Variants in TNS1 observed in about 807,000 individuals in gnomAD.
TNS1 encodes the protein tensin 1.
A neutral mutation model predicts 168.6 loss-of-function variants in TNS1; 62 were observed. The ratio of observed to expected loss-of-function variants is 0.37; its 90% CI spans 0.30 to 0.45. TNS1 has a LOEUF of 0.45. Ranked by LOEUF, TNS1 falls within the 20% of genes least tolerant of loss-of-function variation. TNS1 has a pLI of 1.00. For missense variants in TNS1, 2,240 were observed against 2,339.4 expected (o/e 0.96, Z 0.88); for synonymous variants, 934 against 933.2 (o/e 1.00, Z -0.02).
At chr2:217,825,693 T>C (rs1199557780) in intron 22 of TNS1, among the ~76,000 whole-genome samples, 3 of 152,178 alleles carry the variant, frequency 2.0e-5, no homozygotes, top group Non-Finnish European at 4.4e-5. Flanking sequence ...TACTTGCCAT[T>C]AGGCAAGGCT....
chr2:217,842,840 G>T (rs1250468027), intron 19 of TNS1, among the ~76,000 whole-genome samples: 1 of 152,120 alleles, frequency 6.6e-6, no homozygotes, highest in Non-Finnish European at 1.5e-5. Context: ...CTCTGCACTT[G>T]TTGCTCCATG....
intron 8 of TNS1, among the ~76,000 whole-genome samples, 179 bp downstream of exon 8, chr2:217,897,619 G>A (rs1411200759): frequency 6.6e-6 from 1 of 152,176 alleles, no homozygotes; most frequent in African/African-American, 2.4e-5. Flanking sequence ...GAGGAGAGCT[G>A]GGCTGGAGAG....
At chr2:217,969,722 T>A (rs867208850) in intron 3 of TNS1, among the ~76,000 whole-genome samples, 1 of 152,102 alleles carries the variant, frequency 6.6e-6, no homozygotes, top group South Asian at 2.1e-4. Flanking sequence ...ATCAAAACCA[T>A]GATGAGATAC....
Position 217,893,398 on chromosome 2 carries a change from G to GCACA in TNS1, c.717+40_717+41insTGTG, listed in dbSNP as rs765084895. 59 of 1,495,218 alleles carry GCACA rather than the reference G, an allele frequency of 3.9e-5. No individual in the cohort carries two copies. The Middle Eastern group carries it at 8.5e-4, about 22-fold the overall frequency. The allele number at this position is 1,495,218 out of a possible 1,614,324, so 92.6% of individuals were successfully genotyped here. A position where few individuals can be genotyped will look rare whatever the true frequency, so the allele number is the denominator to read the frequency against. On this transcript the variant is annotated intron_variant, in intron 10 of 32. Transcript: ENST00000682258. ...CACACACATGTGCGCATGTGCGCGC[G>GCACA]CGCACACACACACACACACACACAC...
upstream of TNS1, among the ~76,000 whole-genome samples, chr2:218,007,372 C>T (rs906499271): frequency 2.6e-5 from 4 of 152,158 alleles, no homozygotes; most frequent in East Asian, 1.9e-4. Flanking sequence ...GGTTCAGCAA[C>T]CAGCTCAGGG....
intron 2 of TNS1, among the ~76,000 whole-genome samples, chr2:217,980,546 G>GAGAGA: frequency 1.4e-5 from 2 of 146,552 alleles, no homozygotes; most frequent in East Asian, 2.1e-4. Flanking sequence ...GAGAGAGAGA[G>GAGAGA]GAGCCTGGTA....
chr2:217,858,436 G>A, intron 18 of TNS1: 1 of 852,052 alleles, frequency 1.2e-6, no homozygotes, highest in Non-Finnish European at 1.4e-6. Flanking sequence ...CCCAGATCCA[G>A]CAGAAAGCCA....
At chr2:217,983,486 A>G (rs764435782) in intron 2 of TNS1, among the ~76,000 whole-genome samples, 1 of 151,936 alleles carries the variant, frequency 6.6e-6, no homozygotes, top group Non-Finnish European at 1.5e-5. Context: ...GTGGGAAGGG[A>G]CCCTTAGATT....
chr2:217,860,089 A>G (rs1948643383), intron 18 of TNS1, among the ~76,000 whole-genome samples: 2 of 152,102 alleles, frequency 1.3e-5, no homozygotes, highest in African/African-American at 2.4e-5. Context: ...GCCCTGAGCT[A>G]TGGCTACCCC....
Position 217,817,866 on chromosome 2 carries a change from G to A in TNS1, c.4466C>T (p.Ala1489Val). 6.2e-7 allele frequency: 1 copy of A among 1,614,238 alleles called. No individual in the cohort carries two copies. The highest frequency in any genetic ancestry group is 8.5e-7 in the Non-Finnish European group (1 of 1,180,032). Residue 1489 changes from alanine (A) to valine (V), a missense_variant, in exon 24 of 33, where the codon GCC (alanine) becomes GTC (valine). Transcript: ENST00000682258. ...AAFRQGSPTP[A>V]LPEKRRMSVG... Reference sequence around the variant, plus strand: ...TGACATCCTTCGCTTCTCTGGCAAGGCTGGTGTTGGGCTCCCTTGCCGGAA... The same window carrying A: ...TGACATCCTTCGCTTCTCTGGCAAGACTGGTGTTGGGCTCCCTTGCCGGAA...
intron 10 of TNS1, 140 bp from the exon 11 acceptor site, chr2:217,893,152 G>GT: frequency 4.5e-6 from 5 of 1,108,576 alleles, no homozygotes; most frequent in Non-Finnish European, 6.4e-6. Context: ...GGAGGAAGGG[G>GT]GCCTCAGGGG....
chr2:217,865,210 T>C (rs1949165352), intron 18 of TNS1, among the ~76,000 whole-genome samples: 1 of 152,132 alleles, frequency 6.6e-6, no homozygotes, highest in African/African-American at 2.4e-5. Flanking sequence ...GTTACATGCA[T>C]GAGTAGGTGC....
chr2:217,854,465 A>C (rs1390394566), intron 18 of TNS1, among the ~76,000 whole-genome samples: 1 of 152,200 alleles, frequency 6.6e-6, no homozygotes, highest in Non-Finnish European at 1.5e-5. Flanking sequence ...CAAGTCCAGC[A>C]AATAACAATT....
At chr2:218,014,069 G>A (rs1958734804), upstream of TNS1, among the ~76,000 whole-genome samples, 1 of 152,224 alleles carries the variant, frequency 6.6e-6, no homozygotes. Flanking sequence ...ACCTGGCTCA[G>A]GGCAGGCACA....
intron 3 of TNS1, among the ~76,000 whole-genome samples, chr2:217,950,133 C>T (rs1957205805): frequency 6.6e-6 from 1 of 152,124 alleles, no homozygotes; most frequent in Non-Finnish European, 1.5e-5. Context: ...CAGAGGAGGA[C>T]AGCAGTAGAC....
chr2:217,850,101 A>G, intron 18 of TNS1: 1 of 985,290 alleles, frequency 1.0e-6, no homozygotes, highest in South Asian at 4.7e-5. Flanking sequence ...CATACCACTC[A>G]AGACTCCAGG....
chr2:217,897,758 T>C, intron 8 of TNS1, 40 bp downstream of exon 8: 2 of 1,521,142 alleles, frequency 1.3e-6, no homozygotes, highest in South Asian at 1.3e-5. Context: ...GATGGAAGCA[T>C]AGAGGGCACA....
At chr2:217,998,966 A>G (rs960133652) in intron 1 of TNS1, among the ~76,000 whole-genome samples, 1 of 152,090 alleles carries the variant, frequency 6.6e-6, no homozygotes, top group African/African-American at 2.4e-5. Context: ...GCTTGAAGAG[A>G]GCAGGCCCTC....
chr2:217,918,264 TA>T (rs1053316637), intron 4 of TNS1, among the ~76,000 whole-genome samples: 46 of 152,304 alleles, frequency 3.0e-4, no homozygotes, highest in African/African-American at 1.1e-3. Flanking sequence ...CCAGGGAGGT[TA>T]GCAATGTCAG....
Sources: gnomAD v4.1 joint callset for allele counts (sites outside exome capture counted in the v4.1 genomes callset) on GRCh38, gnomAD v4.1.1 for gene constraint, MANE v1.5 for transcripts, NCBI Gene and HGNC (gene_info 2026-07-23, HGNC 2026-07-21) for gene names.